MPPED2: variants seen among roughly 807,000 people sequenced by gnomAD.
MPPED2 encodes the protein metallophosphoesterase MPPED2.
MPPED2 carries 5 observed loss-of-function variants against 33.0 expected under a neutral mutation model. That is an observed-to-expected ratio of 0.15 (90% CI 0.08 to 0.32). The LOEUF is 0.32. MPPED2 is among the 10% of genes least tolerant of loss of function. The pLI is 1.00. For missense variants in MPPED2, 275 were observed against 372.1 expected (o/e 0.74, Z 2.15); for synonymous variants, 136 against 141.9 (o/e 0.96, Z 0.29).
intron 2 of MPPED2, among the ~76,000 whole-genome samples, chr11:30,566,252 A>T (rs1230542114): frequency 6.6e-6 from 1 of 152,192 alleles, no homozygotes; most frequent in Admixed American, 6.5e-5. Flanking sequence ...TCAATAAGTG[A>T]GCACTTTATA....
chr11:30,555,924 C>A (rs1286469214), intron 2 of MPPED2, among the ~76,000 whole-genome samples: 1 of 152,132 alleles, frequency 6.6e-6, no homozygotes, highest in Non-Finnish European at 1.5e-5. Context: ...CTGACATGTT[C>A]TTTTAGGAAA....
At chr11:30,407,895 A>G (rs1948014941), downstream of MPPED2, among the ~76,000 whole-genome samples, 3 of 152,152 alleles carry the variant, frequency 2.0e-5, no homozygotes, top group Admixed American at 1.3e-4. Context: ...AAATAAATAA[A>G]TAAATAAGTA....
intron 2 of MPPED2, among the ~76,000 whole-genome samples, chr11:30,568,484 T>C (rs371776347): frequency 1.3e-4 from 20 of 152,232 alleles, no homozygotes; most frequent in African/African-American, 4.8e-4. Flanking sequence ...TGCTATCTGT[T>C]TATAACATGG....
chr11:30,482,584 T>C (rs1185655625), intron 4 of MPPED2, among the ~76,000 whole-genome samples: 1 of 152,220 alleles, frequency 6.6e-6, no homozygotes, highest in Non-Finnish European at 1.5e-5. Context: ...TTTTTTCTAC[T>C]GTTACTTGTA....
At chr11:30,471,215 T>C (rs1205455719) in intron 4 of MPPED2, among the ~76,000 whole-genome samples, 2 of 152,224 alleles carry the variant, frequency 1.3e-5, no homozygotes, top group Non-Finnish European at 2.9e-5. Flanking sequence ...AGTAAGATCC[T>C]CAACATCTTG....
intron 1 of MPPED2, among the ~76,000 whole-genome samples, chr11:30,580,735 C>T (rs1433568736): frequency 6.6e-6 from 1 of 152,132 alleles, no homozygotes; most frequent in Non-Finnish European, 1.5e-5. Context: ...CTAAGATTTC[C>T]TCTTTAATTA....
At chr11:30,523,009 G>A (rs1953959455) in intron 3 of MPPED2, among the ~76,000 whole-genome samples, 1 of 152,114 alleles carries the variant, frequency 6.6e-6, no homozygotes, top group Non-Finnish European at 1.5e-5. Flanking sequence ...AAGCCCCATG[G>A]GACATGTTCA....
chr11:30,557,573 T>A (rs1320443955), intron 2 of MPPED2, among the ~76,000 whole-genome samples: 2 of 152,184 alleles, frequency 1.3e-5, no homozygotes, highest in African/African-American at 4.8e-5. Flanking sequence ...GATTGTTAGT[T>A]TCCTTTTGTT....
chr11:30,409,021 T>C (rs1158955136), downstream of MPPED2, among the ~76,000 whole-genome samples: 2 of 152,160 alleles, frequency 1.3e-5, no homozygotes, highest in Non-Finnish European at 2.9e-5. Flanking sequence ...GAGTCTGCCT[T>C]CTAGTTTTAG....
chr11:30,549,322 C>G (rs1292712999), intron 2 of MPPED2, among the ~76,000 whole-genome samples: 1 of 152,148 alleles, frequency 6.6e-6, no homozygotes, highest in Non-Finnish European at 1.5e-5. Context: ...CAATCAATTG[C>G]TTTCTTGGAT....
At chr11:30,393,349 G>C (rs933156440) in intron 6 of MPPED2, among the ~76,000 whole-genome samples, 1 of 151,952 alleles carries the variant, frequency 6.6e-6, no homozygotes, top group African/African-American at 2.4e-5. Flanking sequence ...GATGACTTTG[G>C]CTTTATCATC....
intron 4 of MPPED2, among the ~76,000 whole-genome samples, chr11:30,472,510 C>G (rs1200455426): frequency 6.6e-6 from 1 of 152,126 alleles, no homozygotes; most frequent in Non-Finnish European, 1.5e-5. Context: ...CCTTCACAAC[C>G]CAAGTGTCCA....
intron 3 of MPPED2, chr11:30,501,633 G>C (rs1952567459): frequency 5.1e-6 from 5 of 980,090 alleles, no homozygotes; most frequent in Non-Finnish European, 6.1e-6. Flanking sequence ...CATCCAGACT[G>C]TTTCTCTCAA....
chr11:30,408,645 C>T (rs1948027913), downstream of MPPED2, among the ~76,000 whole-genome samples: 1 of 152,162 alleles, frequency 6.6e-6, no homozygotes, highest in South Asian at 2.1e-4. Flanking sequence ...TCAACTTATC[C>T]AGTCCAGACA....
chr11:30,562,828 T>G (rs979632753), intron 2 of MPPED2, among the ~76,000 whole-genome samples: 2 of 152,186 alleles, frequency 1.3e-5, no homozygotes, highest in African/African-American at 2.4e-5. Context: ...AACCTTGATA[T>G]TCTATTACCA....
chr11:30,414,200 G>T, intron 6 of MPPED2, 28 bp downstream of exon 6: 1 of 1,520,686 alleles, frequency 6.6e-7, no homozygotes, highest in Non-Finnish European at 9.1e-7. Flanking sequence ...GGCACAAAAT[G>T]TTTTGAATTC....
chr11:30,438,637 A>C (rs1373125450), intron 4 of MPPED2, among the ~76,000 whole-genome samples: 1 of 152,222 alleles, frequency 6.6e-6, no homozygotes, highest in Non-Finnish European at 1.5e-5. Flanking sequence ...ACCTTAGACA[A>C]ATTGCCAAAC....
intron 2 of MPPED2, among the ~76,000 whole-genome samples, chr11:30,571,681 A>T (rs1319846687): frequency 6.6e-6 from 1 of 152,158 alleles, no homozygotes; most frequent in African/African-American, 2.4e-5. Context: ...AAAAGAAGAA[A>T]AACAAACTGA....
chr11:30,528,327 C>T (rs1426823959), intron 3 of MPPED2, among the ~76,000 whole-genome samples: 2 of 152,166 alleles, frequency 1.3e-5, no homozygotes, highest in Non-Finnish European at 2.9e-5. Flanking sequence ...ACGATCTTGG[C>T]TCACTGCAAC....
Sources: gnomAD v4.1 joint callset for allele counts (sites outside exome capture counted in the v4.1 genomes callset) on GRCh38, gnomAD v4.1.1 for gene constraint, MANE v1.5 for transcripts, NCBI Gene and HGNC (gene_info 2026-07-23, HGNC 2026-07-21) for gene names.